Variants in PCNT observed in about 807,000 individuals in gnomAD.
PCNT encodes the protein pericentrin.
A neutral mutation model predicts 380.4 loss-of-function variants in PCNT; 319 were observed. The observed-to-expected ratio is 0.84, with a 90% CI of 0.77 to 0.92. The LOEUF (loss-of-function observed/expected upper bound fraction) is 0.92. Ranked by LOEUF, PCNT falls within the 40% of genes least tolerant of loss-of-function variation. PCNT has a pLI of 0.00. For missense variants in PCNT, 4,400 were observed against 4,255.3 expected, an observed-to-expected ratio of 1.03 and a Z score of -0.95; for synonymous variants, 1,845 against 1,735.2, an observed-to-expected ratio of 1.06 and a Z score of -1.57.
At chr21:46,339,078 G>A (rs1298984573) in intron 3 of PCNT, among the ~76,000 whole-genome samples, 5 of 152,148 alleles carry the variant, frequency 3.3e-5, no homozygotes, top group South Asian at 2.1e-4. Flanking sequence ...CACCGCACCC[G>A]GCCTAATTTT....
rs1282198986 is a variant in PCNT at position 46,425,898 on chromosome 21, C to A, written c.7247C>A (p.Pro2416Gln). ...ILALSEGLAP[P>Q]SGEPHPPRKE... The stretch of plus-strand genomic sequence containing the variant: ...GCGCTGTCAGAAGGCCTTGCACCCC[C>A]AAGCGGCGAGCCACACCCACCCCGG... The change falls in exon 33 of 47, where the codon CCA becomes CAA. Residue 2416 changes from proline to glutamine, a missense_variant. Physicochemically the swap from Pro to Gln is moderately conservative, Grantham distance 76. Transcript: ENST00000359568. The surrounding 1 kb of genome is among the most constrained non-coding windows in gnomAD (Gnocchi z 4.2). 1 of 1,613,886 alleles carries A rather than the reference C, an allele frequency of 6.2e-7. No individual in the cohort carries two copies. The highest frequency in any genetic ancestry group is 8.5e-7 in the Non-Finnish European group (1 of 1,179,996).
At chr21:46,444,052 A>T in intron 45 of PCNT, 104 bp downstream of exon 45, 1 of 1,232,176 alleles carries the variant, frequency 8.1e-7, no homozygotes. Context: ...GGCCCAGCCC[A>T]GGGCAAGGCA....
chr21:46,431,205 A>G, intron 37 of PCNT: 3 of 1,234,346 alleles, frequency 2.4e-6, no homozygotes, highest in Non-Finnish European at 3.1e-6. Flanking sequence ...AAGAGGGGGC[A>G]GGAGCCTCTG....
chr21:46,342,687 T>C (rs936705247), intron 3 of PCNT, among the ~76,000 whole-genome samples: 2 of 152,080 alleles, frequency 1.3e-5, no homozygotes, highest in African/African-American at 4.8e-5. Context: ...AATACAGGCA[T>C]GTGCCACCAC....
Position 46,365,427 on chromosome 21 carries a change from A to G in PCNT, c.2610-1157A>G, listed in dbSNP as rs71319740. On this transcript the variant is annotated intron_variant, in intron 14 of 46. Transcript: ENST00000359568. ...GTTCTGATCACTGCCGTGGGGTTCTATTCACTGCCGTGGGGTTCTGTTCAC... is the reference window on the plus strand; with the variant it reads ...GTTCTGATCACTGCCGTGGGGTTCTGTTCACTGCCGTGGGGTTCTGTTCAC... 9.0e-4 allele frequency among the ~76,000 whole-genome samples: 100 copies of G among 110,690 alleles called. 1 individual carries two copies. Among genetic ancestry groups the G allele is most frequent in the African/African-American group, 1.6e-3 (46 of 27,946 alleles). 72.6% of individuals were successfully genotyped at this position (110,690 alleles called of 152,430 possible). A position where few individuals can be genotyped will look rare whatever the true frequency, so the allele number is the denominator to read the frequency against.
Position 46,381,816 on chromosome 21 carries a change from A to G in PCNT, c.3288A>G (p.Gln1096=). 1.2e-6 allele frequency: 2 copies of G among 1,614,228 alleles called. No homozygotes were observed. The highest frequency in any genetic ancestry group is 1.3e-5 in the African/African-American group (1 of 75,066). ...AAGAGTCTTTGTCTCTGCAGCTTCA[A>G]AAGAAGAATCACCAAGTCCAGCAGG... ...EEKESLSLQL[Q]KKNHQVQQLK... The change falls in exon 16 of 47, where the codon CAA becomes CAG. Residue 1096 remains glutamine, a synonymous_variant. Coordinates refer to ENST00000359568, the MANE Select transcript of PCNT (RefSeq NM_006031.6).
chr21:46,336,471 T>A (rs1397899170), intron 3 of PCNT, among the ~76,000 whole-genome samples: 1 of 152,182 alleles, frequency 6.6e-6, no homozygotes, highest in Non-Finnish European at 1.5e-5. Context: ...ACATTTTGAT[T>A]CTTAAGTTGT....
intron 31 of PCNT, 80 bp downstream of exon 31, chr21:46,418,386 C>A: frequency 2.2e-6 from 2 of 902,840 alleles, no homozygotes; most frequent in South Asian, 1.4e-5. Context: ...TTCCTGCATC[C>A]TTTGCCTGGT....
intron 27 of PCNT, among the ~76,000 whole-genome samples, chr21:46,404,759 A>G (rs1233357513): frequency 6.6e-6 from 1 of 151,982 alleles, no homozygotes; most frequent in Non-Finnish European, 1.5e-5. Flanking sequence ...AGACCAGCCT[A>G]AACAACATGG....
At chr21:46,328,452 G>T (rs2083455537) in intron 2 of PCNT, among the ~76,000 whole-genome samples, 1 of 151,290 alleles carries the variant, frequency 6.6e-6, no homozygotes, top group Non-Finnish European at 1.5e-5. Flanking sequence ...GATATATTCT[G>T]GTTGCATATG....
chr21:46,369,684 TAGTC>T (rs1388646277), intron 15 of PCNT, among the ~76,000 whole-genome samples: 1 of 152,266 alleles, frequency 6.6e-6, no homozygotes, highest in African/African-American at 2.4e-5. Context: ...CGGCCTGATT[TAGTC>T]AGAGGAAGCA....
Position 46,367,091 on chromosome 21 carries a change from C to A in PCNT, c.3117C>A (p.Ser1039Arg). The change falls in exon 15 of 47, where the codon AGC (serine) becomes AGA (arginine). Residue 1039 changes from serine to arginine, a missense_variant. Ser to Arg is a moderately radical substitution (Grantham distance 110). Coordinates refer to ENST00000359568, the MANE Select transcript of PCNT (RefSeq NM_006031.6). The part of the protein sequence containing the change: ...SVRDHLRTEV[S>R]TELAGTVAHE... ...GGGACCACCTGCGAACCGAAGTGAG[C>A]ACAGAGCTCGCCGGAACCGTGGCTC... 1 of 1,613,670 alleles carries A rather than the reference C, an allele frequency of 6.2e-7. No individual in the cohort carries two copies. The highest frequency in any genetic ancestry group is 8.5e-7 in the Non-Finnish European group (1 of 1,180,040).
chr21:46,346,348 G>A (rs2084066979), intron 4 of PCNT, 140 bp downstream of exon 4: 3 of 756,956 alleles, frequency 4.0e-6, no homozygotes, highest in Non-Finnish European at 4.4e-6. Flanking sequence ...TGTGTGTGGG[G>A]CCATCAGCAG....
intron 22 of PCNT, among the ~76,000 whole-genome samples, 170 bp downstream of exon 22, chr21:46,397,664 C>T (rs2086252919): frequency 1.3e-5 from 2 of 152,298 alleles, no homozygotes; most frequent in Admixed American, 1.3e-4. Flanking sequence ...TGTCTTCTTG[C>T]CCACATGTTG....
intron 15 of PCNT, among the ~76,000 whole-genome samples, chr21:46,378,571 C>T (rs1234126419): frequency 6.6e-6 from 1 of 152,026 alleles, no homozygotes; most frequent in Admixed American, 6.6e-5. Flanking sequence ...GAGATTTCCT[C>T]ACACCGTTCA....
chr21:46,403,350 G>A (rs1360182957), intron 27 of PCNT, among the ~76,000 whole-genome samples: 18 of 134,532 alleles, frequency 1.3e-4, no homozygotes, highest in South Asian at 2.4e-4. Flanking sequence ...CCCACGCGGC[G>A]CGTGCTCGGT....
rs778966306 is a variant in PCNT at position 46,444,774 on chromosome 21, T to C, written c.9920T>C (p.Ile3307Thr). Residue 3307 changes from isoleucine to threonine, a missense_variant, in exon 46 of 47, where the codon ATT (isoleucine) becomes ACT (threonine). By Grantham distance (89) the Ile-to-Thr change is moderately conservative. Transcript: ENST00000359568. ...CCAGAACATTCCTTGACAGAGTATA[T>C]TCACCATTTAGAAGTGATCCAGCAA... ...QDPEHSLTEY[I>T]HHLEVIQQRL... The C allele has an allele frequency of 6.2e-7, 1 of 1,613,310 alleles. No homozygotes were observed.
intron 15 of PCNT, among the ~76,000 whole-genome samples, chr21:46,379,504 T>C (rs1331283461): frequency 6.6e-6 from 1 of 152,150 alleles, no homozygotes; most frequent in African/African-American, 2.4e-5. Flanking sequence ...TTATTATTAT[T>C]GTTATTTTCA....
chr21:46,398,780 T>C (rs970043027), intron 24 of PCNT, among the ~76,000 whole-genome samples: 1 of 152,188 alleles, frequency 6.6e-6, no homozygotes, highest in Non-Finnish European at 1.5e-5. Context: ...GTTTGTTCTT[T>C]ATGTTGCTGA....
Sources: gnomAD v4.1 joint callset for allele counts (sites outside exome capture counted in the v4.1 genomes callset) on GRCh38, gnomAD v4.1.1 for gene constraint, Gnocchi (gnomAD v3.1) non-coding constraint, MANE v1.5 for transcripts, NCBI Gene and HGNC (gene_info 2026-07-23, HGNC 2026-07-21) for gene names.